The following TRANK1 variants were observed in gnomAD, a reference collection of about 807,000 sequenced individuals.
TRANK1 encodes the protein TPR and ankyrin repeat-containing protein 1.
TRANK1 carries 198 observed loss-of-function variants against 266.0 expected under a neutral mutation model. The observed-to-expected ratio is 0.74, with a 90% CI of 0.66 to 0.84. TRANK1 has a LOEUF of 0.84. Among genes scored for constraint, TRANK1 ranks in the 40% least tolerant of loss-of-function variants. TRANK1 has a pLI of 0.00. For synonymous variants in TRANK1, 1,396 were observed against 1,384.1 expected (o/e 1.01, Z -0.19); for missense variants, 3,326 against 3,634.6 (o/e 0.92, Z 2.18).
At chr3:36,882,124 C>A (rs9830379) in intron 8 of TRANK1, among the ~76,000 whole-genome samples, 50,214 of 151,982 alleles carry the variant, frequency 0.33, 9,305 homozygotes, top group East Asian at 0.57. Context: ...ATTTGGTCTT[C>A]TGGTAACTGT....
intron 8 of TRANK1, among the ~76,000 whole-genome samples, chr3:36,888,466 GTAAATTATATA>G (rs1394126269): frequency 1.3e-5 from 2 of 152,176 alleles, no homozygotes; most frequent in African/African-American, 4.8e-5. Context: ...CTTTAAACAG[GTAAATTATATA>G]GTATATGAAT....
intron 8 of TRANK1, among the ~76,000 whole-genome samples, chr3:36,888,799 T>G (rs1010169276): frequency 2.0e-5 from 3 of 152,218 alleles, no homozygotes; most frequent in Admixed American, 6.5e-5. Context: ...AGCTCATGCC[T>G]GTATCCCAGT....
At position 36,861,044 on chromosome 3, in the gene TRANK1, T is replaced by C; in HGVS notation, c.1357A>G (p.Ser453Gly). The change falls in exon 11 of 24, where the codon AGT becomes GGT. Residue 453 changes from serine to glycine, a missense_variant. By Grantham distance (56) the Ser-to-Gly change is moderately conservative (BLOSUM62 0). Transcript: ENST00000645898. ...CAATCCCCAAGCGGTGGTTCTCCAC[T>C]TACTTTGCGGGTCAGCAGCAGAAGC... ...EVLLLLTRKV[S>G]GEPPLGDCLI... is the part of the protein sequence containing the mutation. The C allele has an allele frequency of 6.5e-7, 1 of 1,537,850 alleles. No homozygotes were observed. The highest frequency in any genetic ancestry group is 8.7e-7 in the Non-Finnish European group (1 of 1,147,044).
chr3:36,866,138 A>G (rs1222742262), intron 9 of TRANK1, among the ~76,000 whole-genome samples: 1 of 151,842 alleles, frequency 6.6e-6, no homozygotes, highest in East Asian at 1.9e-4. Flanking sequence ...AAGTGTTGGA[A>G]AAAATGACAA....
chr3:36,850,714 C>G, intron 15 of TRANK1: 1 of 982,642 alleles, frequency 1.0e-6, no homozygotes, highest in Middle Eastern at 5.2e-4. Context: ...CTGTAAACTG[C>G]AAAGCACCTA....
chr3:36,923,102 G>A (rs2080238783), intron 1 of TRANK1, among the ~76,000 whole-genome samples: 1 of 152,126 alleles, frequency 6.6e-6, no homozygotes, highest in Non-Finnish European at 1.5e-5. Flanking sequence ...GTAGCATTCT[G>A]CAGCCTAAGA....
intron 2 of TRANK1, among the ~76,000 whole-genome samples, chr3:36,907,133 A>G (rs944113448): frequency 2.0e-5 from 3 of 152,192 alleles, no homozygotes; most frequent in Non-Finnish European, 4.4e-5. Flanking sequence ...TACAACATGT[A>G]ATAGATTTAC....
At position 36,898,026 on chromosome 3, in the gene TRANK1, C is replaced by A. The variant is rs188091106; in HGVS notation, c.433+1083G>T. ...TGGGTCCTCCGCTGATTCTGCAGTG[C>A]CGGGTATTGAGCTTCACAACCCTGA... On this transcript the variant is annotated intron_variant, in intron 4 of 23. Coordinates refer to ENST00000645898, the MANE Select transcript of TRANK1 (RefSeq NM_001329998.2). 8.6e-4 allele frequency among the ~76,000 whole-genome samples: 131 copies of A among 152,354 alleles called. 1 individual carries two copies. Among genetic ancestry groups the A allele is most frequent in the East Asian group, 5.8e-4 (3 of 5,186 alleles).
chr3:36,827,556 C>T lies in TRANK1; in HGVS notation c.*719G>A, dbSNP rs935998059. On this transcript the variant is annotated 3_prime_UTR_variant, in exon 24 of 24. Transcript: ENST00000645898. ...CTCCCAGCAACATTCCCCAGCCTTT[C>T]CCCCTAGGGAAGGGACATCCAAAGA... The T allele has an allele frequency of 6.6e-6, 1 of 152,236 alleles. No individual in the cohort carries two copies. The highest frequency in any genetic ancestry group is 2.4e-5 in the African/African-American group (1 of 41,454). 9.4% of individuals were successfully genotyped at this position (152,236 alleles called of 1,614,324 possible).
chr3:36,887,946 A>C lies in TRANK1; in HGVS notation c.907+1883T>G, dbSNP rs1479444953. ...CAGCCACTTTGGGAAACAGTCTGGC[A>C]GTTCCTCAAAAGGTTAAACATAGTG... is the stretch of plus-strand genomic sequence containing the variant. On this transcript the variant is annotated intron_variant, in intron 8 of 23. Transcript: ENST00000645898. Among the ~76,000 whole-genome samples, 5 of 152,346 alleles carry C rather than the reference A, an allele frequency of 3.3e-5. No homozygotes were observed. The South Asian group carries it at 6.2e-4, about 19-fold the overall frequency.
intron 1 of TRANK1, among the ~76,000 whole-genome samples, chr3:36,915,304 T>A (rs1165255180): frequency 6.6e-6 from 1 of 152,226 alleles, no homozygotes; most frequent in Admixed American, 6.5e-5. Context: ...TTCATAGTGA[T>A]GTTTTGATGC....
intron 10 of TRANK1, 113 bp downstream of exon 10, chr3:36,864,206 A>G: frequency 8.5e-7 from 1 of 1,182,456 alleles, no homozygotes; most frequent in Non-Finnish European, 1.1e-6. Flanking sequence ...AATGTTTTAC[A>G]TGTAGATACA....
chr3:36,879,561 T>TACAA (rs1221676800), intron 8 of TRANK1, among the ~76,000 whole-genome samples: 28,947 of 114,836 alleles, frequency 0.25, 6,789 homozygotes, highest in Non-Finnish European at 0.33. Flanking sequence ...TATATAAATA[T>TACAA]ATAAATATAT....
intron 9 of TRANK1, among the ~76,000 whole-genome samples, chr3:36,870,382 C>T (rs2079288773): frequency 6.7e-6 from 1 of 150,066 alleles, no homozygotes; most frequent in Non-Finnish European, 1.5e-5. Context: ...ACTCCAGCCT[C>T]GGCAACAAGG....
rs1474995535 is a variant in TRANK1 at position 36,847,114 on chromosome 3, C to T, written c.5034+86G>A. 33 of 1,445,380 alleles carry T rather than the reference C, an allele frequency of 2.3e-5. No individual in the cohort carries two copies. The Middle Eastern group carries it at 7.2e-4, about 32-fold the overall frequency. The allele number at this position is 1,445,380 out of a possible 1,614,324, so 89.5% of individuals were successfully genotyped here. ...CTGAGGAAAACCAGCCAAGTGCAAG[C>T]TCCATTTTTCCTCTCATCTTCTCTT... On this transcript the variant is annotated intron_variant, in intron 16 of 23. Coordinates refer to ENST00000645898, the MANE Select transcript of TRANK1 (RefSeq NM_001329998.2).
intron 9 of TRANK1, among the ~76,000 whole-genome samples, chr3:36,870,407 CAA>C (rs1016224749): frequency 2.6e-4 from 33 of 124,586 alleles, no homozygotes; most frequent in Non-Finnish European, 3.7e-4. Context: ...AACTCTGTTT[CAA>C]AAAAAAAAAA....
chr3:36,836,662 G>T (rs1033898045), intron 20 of TRANK1, among the ~76,000 whole-genome samples: 1 of 152,204 alleles, frequency 6.6e-6, no homozygotes, highest in African/African-American at 2.4e-5. Context: ...CACCAATGGT[G>T]GGCTTGCCAT....
upstream of TRANK1, chr3:36,945,092 C>G: frequency 2.4e-6 from 1 of 422,708 alleles, no homozygotes; most frequent in East Asian, 3.9e-5. Flanking sequence ...AAAACTGTCA[C>G]GTGCACGTCG....
chr3:36,914,784 C>T (rs533231336), intron 1 of TRANK1, among the ~76,000 whole-genome samples: 7 of 151,812 alleles, frequency 4.6e-5, no homozygotes, highest in Admixed American at 4.6e-4. Context: ...ATTACAGGTG[C>T]CCACCACCAT....
Sources: allele counts gnomAD v4.1 joint callset (sites outside exome capture counted in the v4.1 genomes callset), GRCh38; gene constraint gnomAD v4.1.1; transcripts MANE v1.5; gene names NCBI Gene and HGNC (gene_info 2026-07-23, HGNC 2026-07-21).